PPP2R2A: variants seen among roughly 807,000 people sequenced by gnomAD.
PPP2R2A encodes protein phosphatase 2 regulatory subunit Balpha.
PPP2R2A carries 9 observed loss-of-function variants against 53.2 expected under a neutral mutation model. The ratio of observed to expected loss-of-function variants is 0.17; its 90% CI spans 0.10 to 0.30. The LOEUF (loss-of-function observed/expected upper bound fraction) is 0.30, where lower values mean the gene tolerates loss of function less well. PPP2R2A is among the 10% of genes least tolerant of loss of function. The probability of loss-of-function intolerance (pLI) is 1.00; values close to 1 mark genes in which losing one functional copy is unlikely to be tolerated. For missense variants in PPP2R2A, 235 were observed against 534.6 expected, an observed-to-expected ratio of 0.44 and a Z score of 5.53; for synonymous variants, 169 against 174.2, an observed-to-expected ratio of 0.97 and a Z score of 0.23.
At chr8:26,357,284 C>CA (rs1491120102) in intron 4 of PPP2R2A, among the ~76,000 whole-genome samples, 3 of 17,590 alleles carry the variant, frequency 1.7e-4, no homozygotes, top group African/African-American at 2.0e-4. Flanking sequence ...CATAGTAACA[C>CA]CCCCCCCCCC....
Position 26,321,558 on chromosome 8 carries a change from A to G in PPP2R2A, c.83-17332A>G, listed in dbSNP as rs1470449663. ...TTTGGCATCCATGTTGGGCTGCCCTATTTCACTTGCTGAGGGAAGCCAGCT... is the reference window on the plus strand; with the variant it reads ...TTTGGCATCCATGTTGGGCTGCCCTGTTTCACTTGCTGAGGGAAGCCAGCT... On this transcript the variant is annotated intron_variant, in intron 2 of 9. Transcript: ENST00000380737. The surrounding 1 kb of genome is among the most constrained non-coding windows in gnomAD (Gnocchi z 4.1). Among the ~76,000 whole-genome samples the G allele has an allele frequency of 1.3e-5, 2 of 152,146 alleles. No individual in the cohort carries two copies. Among genetic ancestry groups the G allele is most frequent in the East Asian group, 3.9e-4 (2 of 5,194 alleles).
intron 3 of PPP2R2A, among the ~76,000 whole-genome samples, chr8:26,346,735 T>C (rs911161514): frequency 4.6e-5 from 7 of 152,248 alleles, no homozygotes; most frequent in Admixed American, 3.3e-4. Context: ...TGTCTAGTTA[T>C]TAAGAAGGAT....
At chr8:26,305,856 C>A (rs897236597) in intron 2 of PPP2R2A, among the ~76,000 whole-genome samples, 1 of 152,006 alleles carries the variant, frequency 6.6e-6, no homozygotes, top group African/African-American at 2.4e-5. Flanking sequence ...TTACTTGTTT[C>A]TTGGAGTTAA....
At chr8:26,302,873 T>A (rs1801849813) in intron 2 of PPP2R2A, among the ~76,000 whole-genome samples, 1 of 152,240 alleles carries the variant, frequency 6.6e-6, no homozygotes, top group Non-Finnish European at 1.5e-5. Flanking sequence ...TGTGTGAGGT[T>A]TATTACTATT....
intron 2 of PPP2R2A, among the ~76,000 whole-genome samples, chr8:26,332,415 G>GA (rs905085489): frequency 1.4e-4 from 20 of 143,186 alleles, no homozygotes; most frequent in South Asian, 2.2e-4. Context: ...AATACCTTTT[G>GA]AAAAAAAAAT....
At chr8:26,341,709 A>AT (rs1455053271) in intron 3 of PPP2R2A, among the ~76,000 whole-genome samples, 3 of 152,190 alleles carry the variant, frequency 2.0e-5, no homozygotes, top group African/African-American at 7.2e-5. Flanking sequence ...ATACACTGGC[A>AT]TTTGATCTAT....
chr8:26,347,958 A>G (rs968098674), intron 3 of PPP2R2A, among the ~76,000 whole-genome samples: 3 of 151,940 alleles, frequency 2.0e-5, no homozygotes, highest in Non-Finnish European at 4.4e-5. Flanking sequence ...AGTTCCCCAT[A>G]TTTTCTGAAT....
chr8:26,353,508 G>A (rs1163552861), intron 3 of PPP2R2A, among the ~76,000 whole-genome samples: 2 of 152,174 alleles, frequency 1.3e-5, no homozygotes, highest in Admixed American at 1.3e-4. Context: ...ACTTAAAATA[G>A]TTGACTGTCA....
At position 26,313,921 on chromosome 8, in the gene PPP2R2A, C is replaced by T. The variant is rs899426153; in HGVS notation, c.82+20181C>T. ...ATGGTGTTTTAAGCCACCGAATTTG[C>T]AGTAATTTGTTACAGCAGCCATAGG... On this transcript the variant is annotated intron_variant, in intron 2 of 9. Coordinates refer to ENST00000380737, the MANE Select transcript of PPP2R2A (RefSeq NM_002717.4). Among the ~76,000 whole-genome samples the T allele has an allele frequency of 3.3e-5, 5 of 152,146 alleles. No individual in the cohort carries two copies. In the South Asian group the frequency reaches 1.0e-3, roughly 32 times the overall value.
At chr8:26,342,572 AGTGTGGGT>A (rs771627564) in intron 3 of PPP2R2A, among the ~76,000 whole-genome samples, 7 of 152,100 alleles carry the variant, frequency 4.6e-5, no homozygotes. Context: ...CCTGTAAGGT[AGTGTGGGT>A]GTGTGGGTGC....
chr8:26,304,074 G>T (rs975328631), intron 2 of PPP2R2A, among the ~76,000 whole-genome samples: 6 of 152,168 alleles, frequency 3.9e-5, no homozygotes, highest in African/African-American at 7.2e-5. Flanking sequence ...CTTGAGTTAT[G>T]CCTGTGTTTA....
chr8:26,300,749 G>A (rs1340445839), intron 2 of PPP2R2A, among the ~76,000 whole-genome samples: 1 of 152,168 alleles, frequency 6.6e-6, no homozygotes, highest in Non-Finnish European at 1.5e-5. Flanking sequence ...AGCTACTCAG[G>A]CTGAGGCAGA....
chr8:26,310,054 G>A (rs62494203), intron 2 of PPP2R2A, among the ~76,000 whole-genome samples: 2,318 of 150,120 alleles, frequency 0.015, 22 homozygotes, highest in Middle Eastern at 0.048. Flanking sequence ...AGGCTGAGGC[G>A]GGCGGATCAC....
intron 3 of PPP2R2A, among the ~76,000 whole-genome samples, chr8:26,342,730 AC>A (rs1451688735): frequency 6.6e-6 from 1 of 151,970 alleles, no homozygotes; most frequent in Non-Finnish European, 1.5e-5. Context: ...TGGATTTCAT[AC>A]CCTCTGGCTT....
At chr8:26,310,484 G>T (rs1802236812) in intron 2 of PPP2R2A, among the ~76,000 whole-genome samples, 1 of 151,330 alleles carries the variant, frequency 6.6e-6, no homozygotes, top group African/African-American at 2.4e-5. Flanking sequence ...TAACATATAT[G>T]AGAAGATAAA....
At chr8:26,307,441 A>G (rs550574680) in intron 2 of PPP2R2A, among the ~76,000 whole-genome samples, 3 of 152,346 alleles carry the variant, frequency 2.0e-5, no homozygotes, top group African/African-American at 7.2e-5. Flanking sequence ...GCTAGATCCT[A>G]AAGACATAAT....
At chr8:26,334,677 G>A (rs1365747171) in intron 2 of PPP2R2A, among the ~76,000 whole-genome samples, 1 of 151,990 alleles carries the variant, frequency 6.6e-6, no homozygotes, top group African/African-American at 2.4e-5. Flanking sequence ...CCCGGGAGGC[G>A]GAGGTTGCAG....
In PPP2R2A at chr8:26,354,896, A is replaced by G. The variant is rs1285699443; in HGVS notation, c.346+263A>G. On this transcript the variant is annotated intron_variant, in intron 4 of 9. Transcript: ENST00000380737. The surrounding 1 kb of genome is among the most constrained non-coding windows in gnomAD (Gnocchi z 4.6). ...CTATACCATTGGATTTAGGTCAGGT[A>G]ATATTTCTGTCATTTCTCAGTCTCG... is the stretch of plus-strand genomic sequence containing the variant. Among the ~76,000 whole-genome samples, 1 of 152,202 alleles carries G rather than the reference A, an allele frequency of 6.6e-6. No individual in the cohort carries two copies. Among genetic ancestry groups the G allele is most frequent in the African/African-American group, 2.4e-5 (1 of 41,450 alleles).
intron 9 of PPP2R2A, among the ~76,000 whole-genome samples, 157 bp from the exon 10 acceptor site, chr8:26,369,976 TG>T (rs554122676): frequency 4.1e-4 from 63 of 152,368 alleles, no homozygotes; most frequent in African/African-American, 1.5e-3. Context: ...ACCGTATTTC[TG>T]GTTTATTCTA....
Sources: gnomAD v4.1 joint callset for allele counts (sites outside exome capture counted in the v4.1 genomes callset) on GRCh38, gnomAD v4.1.1 for gene constraint, Gnocchi (gnomAD v3.1) non-coding constraint, MANE v1.5 for transcripts, NCBI Gene and HGNC (gene_info 2026-07-23, HGNC 2026-07-21) for gene names.